RYR3: variants seen among roughly 807,000 people sequenced by gnomAD.
The protein encoded by RYR3 is brain ryanodine receptor-calcium release channel.
A neutral mutation model predicts 584.3 loss-of-function variants in RYR3; 207 were observed. That is an observed-to-expected ratio of 0.35 (90% confidence interval 0.32 to 0.40). The LOEUF is 0.40. Among genes scored for constraint, RYR3 ranks in the 10% least tolerant of loss-of-function variants. RYR3 has a pLI of 1.00. For missense variants in RYR3, 5,616 were observed against 6,089.2 expected (o/e 0.92, Z 2.59); for synonymous variants, 2,416 against 2,248.5 (o/e 1.07, Z -2.11).
intron 1 of RYR3, among the ~76,000 whole-genome samples, chr15:33,371,658 G>T (rs1050809108): frequency 6.6e-6 from 1 of 152,220 alleles, no homozygotes; most frequent in African/African-American, 2.4e-5. Flanking sequence ...GCAGAGAAAA[G>T]TTGGAGCTAG....
At chr15:33,439,078 C>T (rs1378224429) in intron 1 of RYR3, among the ~76,000 whole-genome samples, 3 of 152,048 alleles carry the variant, frequency 2.0e-5, no homozygotes, top group African/African-American at 4.8e-5. Flanking sequence ...ATGTAGTTGT[C>T]TGGTTTCCTT....
chr15:33,632,934 T>A lies in RYR3; in HGVS notation c.2868-15T>A, dbSNP rs757542661. On this transcript the variant is annotated splice_polypyrimidine_tract_variant and intron_variant, in intron 23 of 103. Coordinates refer to ENST00000634891, the MANE Select transcript of RYR3 (RefSeq NM_001036.6). ...GAGATCTGTTAAAAATGTATACTTT[T>A]ACATTTACTTGTAGCTATATGATGT... The A allele has an allele frequency of 1.9e-6, 3 of 1,601,956 alleles. No homozygotes were observed. The highest frequency in any genetic ancestry group is 1.3e-5 in the African/African-American group (1 of 74,344).
chr15:33,864,103 CCAGAGTATCT>C (rs779824825), intron 102 of RYR3, 25 bp from the exon 103 acceptor site: 2 of 1,539,586 alleles, frequency 1.3e-6, no homozygotes, highest in East Asian at 4.5e-5. Context: ...TGGGTCTTGA[CCAGAGTATCT>C]AATACTATCT....
At chr15:33,488,838 G>A (rs924554808) in intron 2 of RYR3, among the ~76,000 whole-genome samples, 18 of 152,130 alleles carry the variant, frequency 1.2e-4, no homozygotes, top group Middle Eastern at 3.4e-3. Flanking sequence ...GCAACCGAGC[G>A]AGACTCTATC....
Position 33,748,251 on chromosome 15 carries a change from G to A in RYR3, c.8127G>A (p.Gln2709=), listed in dbSNP as rs752973319. 2 of 1,613,754 alleles carry A rather than the reference G, an allele frequency of 1.2e-6. No homozygotes were observed. The highest frequency in any genetic ancestry group is 1.7e-6 in the Non-Finnish European group (2 of 1,179,830). The change falls in exon 54 of 104, where the codon CAG becomes CAA. Residue 2709 remains glutamine (Q), a synonymous_variant. Coordinates refer to ENST00000634891, the MANE Select transcript of RYR3 (RefSeq NM_001036.6). The part of the protein sequence containing the change: ...RENEKLRSVS[Q]ANQGNSYSPA... ...ATGAGAAGCTTCGAAGTGTGTCCCA[G>A]GCCAACCAGGTATGACACCACACCC...
intron 69 of RYR3, among the ~76,000 whole-genome samples, chr15:33,807,327 T>A (rs781140771): frequency 6.6e-6 from 1 of 152,152 alleles, no homozygotes; most frequent in East Asian, 1.9e-4. Flanking sequence ...CTGGGTTGAT[T>A]GTTTGGTCTG....
intron 103 of RYR3, 29 bp downstream of exon 103, chr15:33,864,218 T>TTCTTTCTGATG (rs757166584): frequency 6.4e-7 from 1 of 1,566,402 alleles, no homozygotes; most frequent in African/African-American, 1.4e-5. Context: ...TATACCCGTG[T>TTCTTTCTGATG]TAGATCTCCC....
intron 32 of RYR3, among the ~76,000 whole-genome samples, chr15:33,653,693 A>G (rs1799439463): frequency 6.6e-6 from 1 of 152,016 alleles, no homozygotes; most frequent in Non-Finnish European, 1.5e-5. Flanking sequence ...ATACATTTAT[A>G]TAAACAATGT....
intron 38 of RYR3, among the ~76,000 whole-genome samples, chr15:33,671,750 A>G (rs575958955): frequency 6.7e-6 from 1 of 150,334 alleles, no homozygotes; most frequent in East Asian, 2.0e-4. Flanking sequence ...TGTCTCCTAT[A>G]TCACCTGCTG....
chr15:33,389,186 C>A (rs1379247177), intron 1 of RYR3, among the ~76,000 whole-genome samples: 1 of 151,602 alleles, frequency 6.6e-6, no homozygotes, highest in Non-Finnish European at 1.5e-5. Context: ...ATGTAACAAA[C>A]CTGCACGTTG....
At position 33,601,148 on chromosome 15, in the gene RYR3, C is replaced by T. The variant is rs955176726; in HGVS notation, c.1789-271C>T. ...CTTACTGTAATAGAGCAATGGCCAC[C>T]GATGGTTTGCATCGTTTGGAGGGAA... On this transcript the variant is annotated intron_variant, in intron 16 of 103. Transcript: ENST00000634891. Among the ~76,000 whole-genome samples the T allele has an allele frequency of 7.2e-5, 11 of 152,184 alleles. No individual in the cohort carries two copies. In the South Asian group the frequency reaches 1.9e-3, roughly 26 times the overall value.
Position 33,701,924 on chromosome 15 carries a change from TGTG to T in RYR3, c.6483+848_6483+850del, listed in dbSNP as rs1259815435. Among the ~76,000 whole-genome samples, 9 of 152,208 alleles carry T rather than the reference TGTG, an allele frequency of 5.9e-5. No individual in the cohort carries two copies. In the South Asian group the frequency reaches 1.9e-3, roughly 32 times the overall value. ...ACTGAAGCACAGAGTACCTGGGGGA[TGTG>T]GTGAGAATGCAGCAGAAGCAGTGAG... On this transcript the variant is annotated intron_variant, in intron 42 of 103. Transcript: ENST00000634891.
Position 33,835,165 on chromosome 15 carries a change from T to A in RYR3, c.11568+93T>A. 1.0e-5 allele frequency: 10 copies of A among 980,950 alleles called. No homozygotes were observed. The South Asian group carries it at 1.5e-4, about 15-fold the overall frequency. The allele number at this position is 980,950 out of a possible 1,614,324, so 60.8% of individuals were successfully genotyped here. On this transcript the variant is annotated intron_variant, in intron 87 of 103. Transcript: ENST00000634891. ...TTCCCATTGTGATGTGGCTGCTTGA[T>A]CAAAGGCTGGACAAGCCATGCATAT...
intron 1 of RYR3, among the ~76,000 whole-genome samples, chr15:33,447,795 C>T (rs760968515): frequency 6.6e-6 from 1 of 152,146 alleles, no homozygotes; most frequent in Non-Finnish European, 1.5e-5. Context: ...TTCTTTTGTT[C>T]AGCATAATTC....
intron 3 of RYR3, among the ~76,000 whole-genome samples, chr15:33,522,351 C>G (rs965762030): frequency 2.6e-5 from 4 of 152,194 alleles, no homozygotes; most frequent in Non-Finnish European, 4.4e-5. Context: ...CGCCCCCTTT[C>G]AAGCATGTTT....
chr15:33,768,213 A>T (rs1443111640), intron 60 of RYR3, among the ~76,000 whole-genome samples: 1 of 152,186 alleles, frequency 6.6e-6, no homozygotes, highest in Admixed American at 6.5e-5. Context: ...CTTCTTGCCA[A>T]CCTCCCAACT....
At chr15:33,855,090 T>G in intron 98 of RYR3, 178 bp downstream of exon 98, 1 of 496,346 alleles carries the variant, frequency 2.0e-6, no homozygotes, top group Non-Finnish European at 3.3e-6. Flanking sequence ...CAATTAAAAA[T>G]GTAACTGCAA....
chr15:33,763,736 AC>A (rs1394820757), intron 60 of RYR3, among the ~76,000 whole-genome samples: 3 of 151,916 alleles, frequency 2.0e-5, no homozygotes, highest in African/African-American at 7.3e-5. Context: ...TACTAAAGAT[AC>A]AAAAAATTAG....
chr15:33,652,643 T>C, intron 31 of RYR3, 75 bp from the exon 32 acceptor site: 1 of 1,476,780 alleles, frequency 6.8e-7, no homozygotes, highest in Non-Finnish European at 9.2e-7. Context: ...ATTTTCATTT[T>C]TCATTTCATT....
Sources: gnomAD v4.1 joint callset for allele counts (sites outside exome capture counted in the v4.1 genomes callset) on GRCh38, gnomAD v4.1.1 for gene constraint, MANE v1.5 for transcripts, NCBI Gene and HGNC (gene_info 2026-07-23, HGNC 2026-07-21) for gene names.